Variants in FARSB observed in about 807,000 individuals in gnomAD.
FARSB encodes phenylalanine--tRNA ligase beta subunit.
In FARSB, 40 loss-of-function variants were observed where a neutral mutation model predicts 69.6. The observed-to-expected ratio is 0.57, with a 90% CI of 0.45 to 0.75. The LOEUF (loss-of-function observed/expected upper bound fraction) is 0.75. Among genes scored for constraint, FARSB ranks in the 30% least tolerant of loss-of-function variants. The pLI is 0.00. For synonymous variants in FARSB, 235 were observed against 247.2 expected (o/e 0.95, Z 0.46); for missense variants, 632 against 722.9 (o/e 0.87, Z 1.44).
intron 15 of FARSB, 114 bp downstream of exon 15, chr2:222,613,697 G>T: frequency 1.6e-6 from 1 of 626,096 alleles, no homozygotes. Flanking sequence ...GGTGGGTGCT[G>T]GGTACATAGG....
chr2:222,620,431 A>G (rs1691108358), intron 13 of FARSB, among the ~76,000 whole-genome samples: 1 of 152,268 alleles, frequency 6.6e-6, no homozygotes, highest in Non-Finnish European at 1.5e-5. Context: ...CCTGAAACTC[A>G]TAACAAATAA....
At chr2:222,653,630 A>ATT (rs773564002) in intron 1 of FARSB, among the ~76,000 whole-genome samples, 12 of 143,622 alleles carry the variant, frequency 8.4e-5, no homozygotes, top group African/African-American at 1.5e-4. Context: ...TTCTGACTGA[A>ATT]TTTTTTTTTT....
At chr2:222,603,157 C>A (rs1381238766) in intron 15 of FARSB, among the ~76,000 whole-genome samples, 1 of 152,050 alleles carries the variant, frequency 6.6e-6, no homozygotes, top group Non-Finnish European at 1.5e-5. Flanking sequence ...AAACATAGAA[C>A]GAATGCTGGC....
chr2:222,623,805 T>G, intron 12 of FARSB, 75 bp from the exon 13 acceptor site: 2 of 908,606 alleles, frequency 2.2e-6, no homozygotes, highest in Non-Finnish European at 1.8e-6. Flanking sequence ...ATACAGAACA[T>G]GCCATTAAAA....
At chr2:222,643,234 A>C (rs956613968) in intron 2 of FARSB, among the ~76,000 whole-genome samples, 1 of 152,236 alleles carries the variant, frequency 6.6e-6, no homozygotes, top group African/African-American at 2.4e-5. Context: ...TGGCAACCTC[A>C]ATCACCCCAG....
At chr2:222,620,121 C>T (rs1442168940) in intron 13 of FARSB, among the ~76,000 whole-genome samples, 1 of 152,156 alleles carries the variant, frequency 6.6e-6, no homozygotes, top group African/African-American at 2.4e-5. Flanking sequence ...TCCCATGATG[C>T]CCTAGCCATT....
At chr2:222,599,665 G>A (rs1454592930) in intron 16 of FARSB, among the ~76,000 whole-genome samples, 1 of 152,104 alleles carries the variant, frequency 6.6e-6, no homozygotes, top group Non-Finnish European at 1.5e-5. Context: ...CCATTTTGAT[G>A]GCTTAAAGGT....
chr2:222,614,030 A>G lies in FARSB; in HGVS notation c.1345-102T>C, dbSNP rs1690934392. ...GCAGAAAGACTATGGCTTCATAGGA[A>G]GACACTTCTGGAAAATGCATTGCCC... is the stretch of plus-strand genomic sequence containing the variant. On this transcript the variant is annotated intron_variant, in intron 14 of 16. Coordinates refer to ENST00000281828, the MANE Select transcript of FARSB (RefSeq NM_005687.5). 8 of 605,356 alleles carry G rather than the reference A, an allele frequency of 1.3e-5. No homozygotes were observed. In the South Asian group the frequency reaches 2.3e-4, roughly 17 times the overall value. The allele number at this position is 605,356 out of a possible 1,614,324, so 37.5% of individuals were successfully genotyped here.
At chr2:222,578,598 G>T (rs1689890595) in intron 16 of FARSB, among the ~76,000 whole-genome samples, 1 of 152,192 alleles carries the variant, frequency 6.6e-6, no homozygotes, top group Admixed American at 6.5e-5. Context: ...CCAGCACTTT[G>T]GGGGCCAACG....
At chr2:222,635,731 A>C (rs1277114395) in intron 5 of FARSB, among the ~76,000 whole-genome samples, 3 of 152,214 alleles carry the variant, frequency 2.0e-5, no homozygotes, top group Non-Finnish European at 2.9e-5. Context: ...CATTTTGAAA[A>C]GCAAAAGACA....
At chr2:222,599,814 A>G in intron 16 of FARSB, 114 bp downstream of exon 16, 1 of 797,170 alleles carries the variant, frequency 1.3e-6, no homozygotes, top group Non-Finnish European at 2.0e-6. Context: ...AATTGAAATA[A>G]AACTCTCCCT....
chr2:222,595,914 G>A (rs1392188928), intron 16 of FARSB, among the ~76,000 whole-genome samples: 6 of 143,538 alleles, frequency 4.2e-5, no homozygotes, highest in African/African-American at 1.5e-4. Flanking sequence ...CTGAAAAAAA[G>A]AAAAAGCATA....
chr2:222,592,548 T>C (rs1368994665), intron 16 of FARSB, among the ~76,000 whole-genome samples: 6 of 151,776 alleles, frequency 4.0e-5, no homozygotes, highest in African/African-American at 1.5e-4. Flanking sequence ...ATCAGAATCA[T>C]CCTAAAAATC....
At chr2:222,619,613 T>A in intron 14 of FARSB, 32 bp downstream of exon 14, 1 of 1,099,526 alleles carries the variant, frequency 9.1e-7, no homozygotes. Context: ...TCTAGGTTTT[T>A]ACATGAATTC....
At chr2:222,606,890 T>C (rs1690716442) in intron 15 of FARSB, among the ~76,000 whole-genome samples, 1 of 152,208 alleles carries the variant, frequency 6.6e-6, no homozygotes, top group African/African-American at 2.4e-5. Context: ...CAAAGAAAGA[T>C]GCTAGGAGAA....
intron 15 of FARSB, among the ~76,000 whole-genome samples, chr2:222,608,773 T>C (rs1690769992): frequency 6.6e-6 from 1 of 152,186 alleles, no homozygotes; most frequent in Non-Finnish European, 1.5e-5. Context: ...AGCAATGCTT[T>C]AGAGAAAGTT....
intron 15 of FARSB, among the ~76,000 whole-genome samples, chr2:222,608,271 C>T (rs1474908706): frequency 7.9e-5 from 12 of 152,140 alleles, no homozygotes; most frequent in South Asian, 6.2e-4. Context: ...CACATGTGGA[C>T]GCTAGATAAT....
Position 222,568,783 on chromosome 2 carries a change from T to A in FARSB, c.*3088A>T, listed in dbSNP as rs1689671392. 1 of 152,418 alleles carries A rather than the reference T, an allele frequency of 6.6e-6. No individual in the cohort carries two copies. Among genetic ancestry groups the A allele is most frequent in the Admixed American group, 6.5e-5 (1 of 15,288 alleles). 9.4% of individuals were successfully genotyped at this position (152,418 alleles called of 1,614,324 possible). A position where few individuals can be genotyped will look rare whatever the true frequency, so the allele number is the denominator to read the frequency against. ...TGAACCCAGGAGGTGGAGGTTGCAG[T>A]GAGCCAAGATTGTGCCATTGCACTC... On this transcript the variant is annotated 3_prime_UTR_variant, in exon 17 of 17. Coordinates refer to ENST00000281828, the MANE Select transcript of FARSB (RefSeq NM_005687.5). The surrounding 1 kb of genome is among the most constrained non-coding windows in gnomAD (Gnocchi z 4.3).
intron 2 of FARSB, 36 bp from the exon 3 acceptor site, chr2:222,643,041 TAA>T: frequency 7.5e-7 from 1 of 1,338,502 alleles, no homozygotes; most frequent in Non-Finnish European, 1.0e-6. Flanking sequence ...AAAAATTAAA[TAA>T]TTTAAACTCT....
Sources: allele counts gnomAD v4.1 joint callset (sites outside exome capture counted in the v4.1 genomes callset), GRCh38; gene constraint gnomAD v4.1.1; non-coding constraint Gnocchi (gnomAD v3.1); transcripts MANE v1.5; gene names NCBI Gene and HGNC (gene_info 2026-07-23, HGNC 2026-07-21).